The following LMF1 variants were observed in gnomAD, a reference collection of about 807,000 sequenced individuals.
The protein encoded by LMF1 is transmembrane protein 112.
Under a neutral mutation model 60.6 loss-of-function variants are expected in LMF1, and 68 were observed. That is an observed-to-expected ratio of 1.12 (90% CI 0.92 to 1.37). The LOEUF is 1.37. Among genes scored for constraint, LMF1 ranks in the 40% most tolerant of loss-of-function variants. The pLI is 0.00. For missense variants in LMF1, 948 were observed against 767.2 expected, an observed-to-expected ratio of 1.24 and a Z score of -2.78; for synonymous variants, 418 against 324.7, an observed-to-expected ratio of 1.29 and a Z score of -3.09.
At chr16:971,040 G>C, upstream of LMF1, 3 of 1,362,614 alleles carry the variant, frequency 2.2e-6, no homozygotes, top group Non-Finnish European at 2.8e-6. Flanking sequence ...GCCCATTCTC[G>C]GAGGCCCCGC....
chr16:909,363 C>T (rs978786409), intron 4 of LMF1, among the ~76,000 whole-genome samples: 1 of 152,138 alleles, frequency 6.6e-6, no homozygotes, highest in Non-Finnish European at 1.5e-5. Flanking sequence ...AGGGAACACA[C>T]GGTGAGGAAT....
At position 854,707 on chromosome 16, in the gene LMF1, C is replaced by G; in HGVS notation, c.1530-1G>C. 1 of 1,584,720 alleles carries G rather than the reference C, an allele frequency of 6.3e-7. No homozygotes were observed. The highest frequency in any genetic ancestry group is 8.5e-7 in the Non-Finnish European group (1 of 1,171,310). On this transcript the variant is annotated splice_acceptor_variant, in intron 10 of 10. Transcript: ENST00000262301. LOFTEE classifies it high-confidence loss of function. ...CCTGTAGTGCTCTCCTCGGACCCAC[C>G]TGCAAGGGGGCACATGTCAGCCCAG...
At chr16:893,573 C>T (rs1229799672) in intron 4 of LMF1, among the ~76,000 whole-genome samples, 4 of 152,218 alleles carry the variant, frequency 2.6e-5, no homozygotes, top group South Asian at 2.1e-4. Flanking sequence ...CACTGCAGCT[C>T]GCCTGCTGTG....
At position 871,174 on chromosome 16, in the gene LMF1, G is replaced by C. The variant is rs750070221; in HGVS notation, c.1065C>G (p.Pro355=). Reference sequence around the variant, plus strand: ...TGAGCCACCTACCGAATCTGGGCTCGGGCCGGGCCCCTCGGATGTCCCTCT... The same window carrying C: ...TGAGCCACCTACCGAATCTGGGCTCCGGCCGGGCCCCTCGGATGTCCCTCT... ...QMQRDIRGAR[P]EPRFGSVVRR... Residue 355 remains proline (P), a synonymous_variant, in exon 7 of 11, where the codon CCC becomes CCG. Coordinates refer to ENST00000262301, the MANE Select transcript of LMF1 (RefSeq NM_022773.4). 3.1e-6 allele frequency: 5 copies of C among 1,596,752 alleles called. No homozygotes were observed. Among genetic ancestry groups the C allele is most frequent in the Non-Finnish European group, 3.4e-6 (4 of 1,171,592 alleles).
chr16:970,580 G>C (rs2073021259), intron 1 of LMF1, among the ~76,000 whole-genome samples: 1 of 152,164 alleles, frequency 6.6e-6, no homozygotes, highest in Non-Finnish European at 1.5e-5. Flanking sequence ...GGAGGCTCGA[G>C]GCGGCGACAG....
chr16:921,211 T>A (rs2071421574), intron 3 of LMF1: 1 of 152,270 alleles, frequency 6.6e-6, no homozygotes, highest in African/African-American at 2.4e-5. Flanking sequence ...GAAGTCCAGG[T>A]AAGTAGAAGG....
At chr16:916,475 T>C (rs150409121) in intron 3 of LMF1, among the ~76,000 whole-genome samples, 3 of 152,350 alleles carry the variant, frequency 2.0e-5, no homozygotes, top group African/African-American at 4.8e-5. Context: ...TGAAAAGTTA[T>C]GAAATAGCAC....
chr16:939,955 T>A (rs2072051239), intron 2 of LMF1, among the ~76,000 whole-genome samples: 1 of 151,980 alleles, frequency 6.6e-6, no homozygotes, highest in South Asian at 2.1e-4. Flanking sequence ...TGGAGGTAAT[T>A]AAGTTAAGGA....
At chr16:914,749 T>C (rs1231569970) in intron 3 of LMF1, among the ~76,000 whole-genome samples, 2 of 85,202 alleles carry the variant, frequency 2.3e-5, no homozygotes, top group Admixed American at 1.5e-4. Flanking sequence ...CCATGACTAT[T>C]GGTGACACAT....
At chr16:963,700 A>T (rs2072864065) in intron 1 of LMF1, among the ~76,000 whole-genome samples, 1 of 152,076 alleles carries the variant, frequency 6.6e-6, no homozygotes, top group Non-Finnish European at 1.5e-5. Context: ...TCCACCCCTC[A>T]CCACAACGCA....
At chr16:892,337 G>A (rs2070513024) in intron 5 of LMF1, among the ~76,000 whole-genome samples, 1 of 152,214 alleles carries the variant, frequency 6.6e-6, no homozygotes, top group Non-Finnish European at 1.5e-5. Context: ...ACGGGCCCAG[G>A]GTGGGGATGG....
chr16:894,213 A>C (rs868460801), intron 4 of LMF1, among the ~76,000 whole-genome samples: 1 of 6,410 alleles, frequency 1.6e-4, no homozygotes, highest in Admixed American at 2.3e-3. Flanking sequence ...CCCCCTGTCC[A>C]CTGGACTGTC....
At chr16:951,883 T>G (rs769536808) in intron 2 of LMF1, among the ~76,000 whole-genome samples, 4 of 152,150 alleles carry the variant, frequency 2.6e-5, no homozygotes, top group Non-Finnish European at 4.4e-5. Context: ...CAGAGACAGC[T>G]CATGTGAACG....
intron 1 of LMF1, among the ~76,000 whole-genome samples, chr16:969,657 G>A (rs962180769): frequency 5.9e-5 from 9 of 152,232 alleles, no homozygotes; most frequent in African/African-American, 1.9e-4. Context: ...TACAACCAAC[G>A]CGTGGGCAAC....
intron 2 of LMF1, among the ~76,000 whole-genome samples, chr16:948,919 T>C (rs1328762101): frequency 1.5e-5 from 1 of 67,196 alleles, no homozygotes; most frequent in Non-Finnish European, 2.5e-5. Context: ...AACGACAGAG[T>C]CAGCCAACGA....
At chr16:978,545 A>G (rs11248958) in intron 1 of LMF1, among the ~76,000 whole-genome samples, 75,650 of 151,912 alleles carry the variant, frequency 0.5, 19,908 homozygotes, top group African/African-American at 0.68. Context: ...TGGAGCTACA[A>G]ATGTCATCTA....
At chr16:965,433 C>CA (rs933052729) in intron 1 of LMF1, among the ~76,000 whole-genome samples, 7 of 151,168 alleles carry the variant, frequency 4.6e-5, no homozygotes, top group African/African-American at 7.3e-5. Flanking sequence ...TACAAGAGAG[C>CA]AAAAAAAAGA....
At chr16:976,260 G>A in intron 1 of LMF1, 1 of 447,660 alleles carries the variant, frequency 2.2e-6, no homozygotes, top group South Asian at 1.6e-5. Flanking sequence ...ATGGGGCTGG[G>A]GTCCCTGGAT....
chr16:922,266 G>A (rs989134611), intron 3 of LMF1, among the ~76,000 whole-genome samples: 2 of 152,176 alleles, frequency 1.3e-5, no homozygotes, highest in Admixed American at 6.5e-5. Flanking sequence ...TCTCGCCTCC[G>A]ATGCAAGGTG....
Sources: gnomAD v4.1 joint callset for allele counts (sites outside exome capture counted in the v4.1 genomes callset) on GRCh38, gnomAD v4.1.1 for gene constraint, MANE v1.5 for transcripts, NCBI Gene and HGNC (gene_info 2026-07-23, HGNC 2026-07-21) for gene names.